Variants in TREM2 observed in about 807,000 individuals in gnomAD.
TREM2 encodes the protein triggering receptor expressed on monocytes 2.
In TREM2, 20 loss-of-function variants were observed where a neutral mutation model predicts 22.9. That is an observed-to-expected ratio of 0.87 (90% CI 0.61 to 1.27). The LOEUF (loss-of-function observed/expected upper bound fraction) is 1.27, where lower values mean the gene tolerates loss of function less well. Ranked by LOEUF, TREM2 falls within the 50% of genes most tolerant of loss-of-function variation. TREM2 has a pLI of 0.00. For missense variants in TREM2, 267 were observed against 289.0 expected (o/e 0.92, Z 0.55); for synonymous variants, 111 against 120.9 (o/e 0.92, Z 0.54).
chr6:41,160,576 C>A (rs1253779732), intron 2 of TREM2, among the ~76,000 whole-genome samples: 1 of 152,026 alleles, frequency 6.6e-6, no homozygotes, highest in Non-Finnish European at 1.5e-5. Flanking sequence ...AAAGGAGACA[C>A]CCTGGCCCAC....
At chr6:41,159,959 A>G (rs574310382) in intron 2 of TREM2, 77 bp from the exon 3 acceptor site, 500 of 1,245,698 alleles carry the variant, frequency 4.0e-4, no homozygotes, top group Admixed American at 7.1e-4. Flanking sequence ...GAGAACCTTT[A>G]TGGGTGGGGT....
chr6:41,161,236 C>G (rs912954553), intron 2 of TREM2, 27 bp downstream of exon 2: 16 of 1,599,900 alleles, frequency 1.0e-5, no homozygotes, highest in Non-Finnish European at 1.4e-5. Flanking sequence ...CAGGGGCAGG[C>G]CAGAGAGGCA....
At position 41,158,601 on chromosome 6, in the gene TREM2, C is replaced by G. The variant is rs1765476557; in HGVS notation, c.*163G>C. 1.3e-6 allele frequency: 2 copies of G among 1,563,572 alleles called. No individual in the cohort carries two copies. Among genetic ancestry groups the G allele is most frequent in the East Asian group, 4.8e-5 (2 of 41,880 alleles). On this transcript the variant is annotated 3_prime_UTR_variant, in exon 5 of 5. Coordinates refer to ENST00000373113, the MANE Select transcript of TREM2 (RefSeq NM_018965.4). The stretch of plus-strand genomic sequence containing the variant: ...AGGTGTTCTTACCACCTCCCCACTC[C>G]CTCAACCAGTCCCTGCTTCCAGGGT...
intron 3 of TREM2, 123 bp downstream of exon 3, chr6:41,159,669 C>A (rs1402782742): frequency 3.5e-5 from 28 of 808,378 alleles, no homozygotes; most frequent in Non-Finnish European, 5.6e-5. Context: ...TAAGAGATAT[C>A]CAGGGCCCTT....
At position 41,162,929 on chromosome 6, in the gene TREM2, C is replaced by T. The variant is rs923904824; in HGVS notation, c.40+114G>A. 2.2e-6 allele frequency: 3 copies of T among 1,375,356 alleles called. No individual in the cohort carries two copies. The African/African-American group carries it at 4.3e-5, about 20-fold the overall frequency. 85.2% of individuals were successfully genotyped at this position (1,375,356 alleles called of 1,614,324 possible). Reference sequence around the variant, plus strand: ...AGGAGTGCAGAACAGGGCACTCAGGCATGCGAGGACTGCCACCGCCTTCAT... The same window carrying T: ...AGGAGTGCAGAACAGGGCACTCAGGTATGCGAGGACTGCCACCGCCTTCAT... On this transcript the variant is annotated intron_variant, in intron 1 of 4. Transcript: ENST00000373113.
chr6:41,160,175 A>C, intron 2 of TREM2, among the ~76,000 whole-genome samples: 1 of 152,212 alleles, frequency 6.6e-6, no homozygotes. Flanking sequence ...GGGGCTAAGA[A>C]GAGCAAATAC....
chr6:41,159,254 T>C lies in TREM2; in HGVS notation c.483-188A>G. ...AGAGACTTGAGTTCTAGGCATGCTC[T>C]GCCACTAACCTGCTGAGTGCACTTA... On this transcript the variant is annotated intron_variant, in intron 3 of 4. Coordinates refer to ENST00000373113, the MANE Select transcript of TREM2 (RefSeq NM_018965.4). 3 of 692,828 alleles carry C rather than the reference T, an allele frequency of 4.3e-6. No individual in the cohort carries two copies. In the South Asian group the frequency reaches 5.3e-5, roughly 12 times the overall value. The allele number at this position is 692,828 out of a possible 1,614,324, so 42.9% of individuals were successfully genotyped here. A position where few individuals can be genotyped will look rare whatever the true frequency, so the allele number is the denominator to read the frequency against.
At chr6:41,161,726 A>T (rs1249409649) in intron 1 of TREM2, 113 bp from the exon 2 acceptor site, 3 of 926,412 alleles carry the variant, frequency 3.2e-6, no homozygotes, top group Non-Finnish European at 1.7e-6. Flanking sequence ...TTAGGTTCTT[A>T]TACAAGTTGG....
At position 41,161,386 on chromosome 6, in the gene TREM2, C is replaced by G; in HGVS notation, c.268G>C (p.Gly90Arg). The G allele has an allele frequency of 6.2e-7, 1 of 1,614,222 alleles. No homozygotes were observed. Among genetic ancestry groups the G allele is most frequent in the Non-Finnish European group, 8.5e-7 (1 of 1,180,038 alleles). The change falls in exon 2 of 5, where the codon GGT becomes CGT. Residue 90 changes from glycine to arginine, a missense_variant. Physicochemically the swap from Gly to Arg is moderately radical, Grantham distance 125. Transcript: ENST00000373113. Reference protein sequence around the residue: ...GSTAITDDTLGGTLTITLRNL... With the variant: ...GSTAITDDTLRGTLTITLRNL... ...CGCAGCGTAATGGTGAGAGTGCCACCCAGGGTATCGTCTGTGATGGCTGTG... is the reference window on the plus strand; with the variant it reads ...CGCAGCGTAATGGTGAGAGTGCCACGCAGGGTATCGTCTGTGATGGCTGTG...
At position 41,161,451 on chromosome 6, in the gene TREM2, T is replaced by A. The variant is rs1018859599; in HGVS notation, c.203A>T (p.Asn68Ile). The A allele has an allele frequency of 1.2e-6, 2 of 1,614,188 alleles. No individual in the cohort carries two copies. Among genetic ancestry groups the A allele is most frequent in the Admixed American group, 1.7e-5 (1 of 60,022 alleles). The stretch of plus-strand genomic sequence containing the variant: ...CCTCAGGAAGGACAGCAGCCACAAG[T>A]TGTGCGTGCTGACCACACGCTGGCA... ...GPCQRVVSTHNLWLLSFLRRW... is the reference protein window; with the variant it reads ...GPCQRVVSTHILWLLSFLRRW... The change falls in exon 2 of 5, where the codon AAC becomes ATC. Residue 68 changes from asparagine to isoleucine, a missense_variant. Coordinates refer to ENST00000373113, the MANE Select transcript of TREM2 (RefSeq NM_018965.4).
Position 41,158,779 on chromosome 6 carries a change from C to CTTGGACTT in TREM2, c.677_678insAAGTCCAA (p.Leu227SerfsTer4). 1 of 1,614,226 alleles carries CTTGGACTT rather than the reference C, an allele frequency of 6.2e-7. No individual in the cohort carries two copies. The highest frequency in any genetic ancestry group is 2.2e-5 in the East Asian group (1 of 44,872). On this transcript the variant is annotated frameshift_variant and splice_region_variant, in exon 5 of 5. Transcript: ENST00000373113. LOFTEE classifies it high-confidence loss of function. ...TCATCTTCCTTCACGTGTCTCTCAG[C>CTTGGACTT]CCTGCAATAGTCCAAGGACTCATGT...
At chr6:41,161,874 C>G (rs1221387954) in intron 1 of TREM2, among the ~76,000 whole-genome samples, 1 of 152,078 alleles carries the variant, frequency 6.6e-6, no homozygotes. Context: ...TCTGGAGGCA[C>G]TTGGTCTTAA....
chr6:41,158,821 G>A (rs751230431), intron 4 of TREM2, 41 bp from the exon 5 acceptor site: 23 of 1,613,994 alleles, frequency 1.4e-5, no homozygotes, highest in Admixed American at 1.0e-4. Flanking sequence ...TCTCGGCACC[G>A]CCTCCCATCC....
rs753372932 is a variant in TREM2 at position 41,161,450 on chromosome 6, G to C, written c.204C>G (p.Asn68Lys). The change falls in exon 2 of 5, where the codon AAC becomes AAG. Residue 68 changes from asparagine to lysine, a missense_variant. Physicochemically the swap from Asn to Lys is moderately conservative, Grantham distance 94 (BLOSUM62 0). Transcript: ENST00000373113. ...GPCQRVVSTH[N>K]LWLLSFLRRW... is the part of the protein sequence containing the mutation. ...TCCTCAGGAAGGACAGCAGCCACAA[G>C]TTGTGCGTGCTGACCACACGCTGGC... is the stretch of plus-strand genomic sequence containing the variant. The C allele has an allele frequency of 5.3e-5, 85 of 1,614,152 alleles. No individual in the cohort carries two copies. The highest frequency in any genetic ancestry group is 6.5e-5 in the Non-Finnish European group (77 of 1,180,060).
In TREM2 at chr6:41,161,112, C is replaced by T. The variant is rs952935970; in HGVS notation, c.391+151G>A. 14 of 772,572 alleles carry T rather than the reference C, an allele frequency of 1.8e-5. No homozygotes were observed. The African/African-American group carries it at 2.1e-4, about 11-fold the overall frequency. 47.9% of individuals were successfully genotyped at this position (772,572 alleles called of 1,614,324 possible). ...CTTGTATAGTGAGCAACCTGCACAA[C>T]TATCCTTGGTAGCCCTGAGTAGGGA... On this transcript the variant is annotated intron_variant, in intron 2 of 4. Coordinates refer to ENST00000373113, the MANE Select transcript of TREM2 (RefSeq NM_018965.4).
At position 41,159,877 on chromosome 6, in the gene TREM2, G is replaced by A. The variant is rs1482867735; in HGVS notation, c.397C>T (p.Leu133=). 3 of 1,613,674 alleles carry A rather than the reference G, an allele frequency of 1.9e-6. No individual in the cohort carries two copies. Among genetic ancestry groups the A allele is most frequent in the Admixed American group, 1.7e-5 (1 of 60,014 alleles). Residue 133 remains leucine, a synonymous_variant, in exon 3 of 5, where the codon CTG becomes TTG. Transcript: ENST00000373113. The stretch of plus-strand genomic sequence containing the variant: ...AGATCTCCAGCATCCCGGTGATCCA[G>A]GGGGTCTATGGGAGGCAGAGCCATG... ...KVLVEVLADP[L]DHRDAGDLWF...
chr6:41,159,841 C>T lies in TREM2; in HGVS notation c.433G>A (p.Gly145Arg), dbSNP rs766647311. 8.1e-6 allele frequency: 13 copies of T among 1,613,906 alleles called. No homozygotes were observed. Among genetic ancestry groups the T allele is most frequent in the East Asian group, 2.2e-5 (1 of 44,874 alleles). Residue 145 changes from glycine to arginine, a missense_variant, in exon 3 of 5, where the codon GGG becomes AGG. By Grantham distance (125) the Gly-to-Arg change is moderately radical (BLOSUM62 -2). Coordinates refer to ENST00000373113, the MANE Select transcript of TREM2 (RefSeq NM_018965.4). ...HRDAGDLWFP[G>R]ESESFEDAHV... ...GCATCCTCGAAGCTCTCAGACTCCC[C>T]GGGGAACCAGAGATCTCCAGCATCC... is the stretch of plus-strand genomic sequence containing the variant.
At chr6:41,159,193 G>A (rs758600138) in intron 3 of TREM2, 127 bp from the exon 4 acceptor site, 3 of 1,210,198 alleles carry the variant, frequency 2.5e-6, no homozygotes, top group Admixed American at 4.2e-5. Flanking sequence ...CCATCCCTGG[G>A]ATGGGCCTTT....
chr6:41,159,733 G>C lies in TREM2; in HGVS notation c.482+59C>G. 2.6e-6 allele frequency: 4 copies of C among 1,518,518 alleles called. No homozygotes were observed. In the South Asian group the frequency reaches 3.4e-5, roughly 13 times the overall value. The allele number at this position is 1,518,518 out of a possible 1,614,324, so 94.1% of individuals were successfully genotyped here. A position where few individuals can be genotyped will look rare whatever the true frequency, so the allele number is the denominator to read the frequency against. ...TTCAGGATGCCCAGCCCCCACCCCC[G>C]TGGGGCTCTGCAGGGTGGAAGTCTG... is the stretch of plus-strand genomic sequence containing the variant. On this transcript the variant is annotated intron_variant, in intron 3 of 4. Coordinates refer to ENST00000373113, the MANE Select transcript of TREM2 (RefSeq NM_018965.4).
Sources: gnomAD v4.1 joint callset for allele counts (sites outside exome capture counted in the v4.1 genomes callset) on GRCh38, gnomAD v4.1.1 for gene constraint, MANE v1.5 for transcripts, NCBI Gene and HGNC (gene_info 2026-07-23, HGNC 2026-07-21) for gene names.